KCNH8: variants seen among roughly 807,000 people sequenced by gnomAD.
KCNH8 encodes the protein voltage-gated delayed rectifier potassium channel KCNH8.
KCNH8 carries 70 observed loss-of-function variants against 103.6 expected under a neutral mutation model. The ratio of observed to expected loss-of-function variants is 0.68; its 90% CI spans 0.56 to 0.82. The LOEUF is 0.82. KCNH8 is among the 40% of genes least tolerant of loss of function. KCNH8 has a pLI of 0.00. For missense variants in KCNH8, 1,217 were observed against 1,329.9 expected, an observed-to-expected ratio of 0.92 and a Z score of 1.32; for synonymous variants, 498 against 489.4, an observed-to-expected ratio of 1.02 and a Z score of -0.23.
chr3:19,210,466 T>C (rs2063759258), intron 1 of KCNH8, among the ~76,000 whole-genome samples: 1 of 152,072 alleles, frequency 6.6e-6, no homozygotes, highest in Non-Finnish European at 1.5e-5. Context: ...AAAGCCTTCT[T>C]TTTGGTGCTT....
intron 1 of KCNH8, among the ~76,000 whole-genome samples, chr3:19,200,099 A>G (rs552431341): frequency 4.6e-5 from 7 of 152,254 alleles, no homozygotes; most frequent in Non-Finnish European, 5.9e-5. Flanking sequence ...TTAAGTGATT[A>G]AAATAAAATT....
chr3:19,480,397 G>C (rs531276416), intron 11 of KCNH8, among the ~76,000 whole-genome samples: 1 of 152,178 alleles, frequency 6.6e-6, no homozygotes, highest in Admixed American at 6.5e-5. Context: ...AGTATCTTCT[G>C]TCAGGATTCA....
chr3:19,160,926 G>A (rs2063227722), intron 1 of KCNH8, among the ~76,000 whole-genome samples: 1 of 152,118 alleles, frequency 6.6e-6, no homozygotes, highest in South Asian at 2.1e-4. Context: ...GAGTGGTGAT[G>A]CTAGTGATTC....
Position 19,148,603 on chromosome 3 carries a change from A to AG in KCNH8, c.-115dup. On this transcript the variant is annotated 5_prime_UTR_variant, in exon 1 of 16. Coordinates refer to ENST00000328405, the MANE Select transcript of KCNH8 (RefSeq NM_144633.3). ...ACTTCCCCTGCTCGGCCCCGCCGTCAGGCCGGGTCCCCCTTCCCTGCCGTC... is the reference window on the plus strand; with the variant it reads ...ACTTCCCCTGCTCGGCCCCGCCGTCAGGGCCGGGTCCCCCTTCCCTGCCGTC... The AG allele has an allele frequency of 3.1e-6, 3 of 962,804 alleles. No individual in the cohort carries two copies. The highest frequency in any genetic ancestry group is 2.4e-4 in the Middle Eastern group (1 of 4,154). The allele number at this position is 962,804 out of a possible 1,614,324, so 59.6% of individuals were successfully genotyped here.
chr3:19,449,848 C>T (rs911522599), intron 8 of KCNH8, among the ~76,000 whole-genome samples: 2 of 151,812 alleles, frequency 1.3e-5, no homozygotes, highest in Non-Finnish European at 2.9e-5. Context: ...ATCAAAGGGG[C>T]CTATTTTGCA....
intron 1 of KCNH8, among the ~76,000 whole-genome samples, chr3:19,228,488 A>G (rs1473269285): frequency 1.3e-5 from 2 of 152,226 alleles, no homozygotes; most frequent in Admixed American, 1.3e-4. Context: ...AAAAATAAAC[A>G]TCTGAAACAT....
intron 2 of KCNH8, among the ~76,000 whole-genome samples, chr3:19,265,565 G>T (rs1375215904): frequency 2.0e-5 from 3 of 151,920 alleles, no homozygotes; most frequent in Admixed American, 6.6e-5. Flanking sequence ...ACATTAAGGA[G>T]CCTGGAATCT....
chr3:19,320,887 A>G (rs1376239470), intron 3 of KCNH8, among the ~76,000 whole-genome samples: 1 of 151,384 alleles, frequency 6.6e-6, no homozygotes, highest in Non-Finnish European at 1.5e-5. Context: ...CAGAGTTTCT[A>G]TTTCTTCCTG....
At chr3:19,324,919 G>T (rs1340755358) in intron 3 of KCNH8, among the ~76,000 whole-genome samples, 1 of 152,256 alleles carries the variant, frequency 6.6e-6, no homozygotes, top group East Asian at 1.9e-4. Context: ...GAGGTATCAG[G>T]CTACCTGATT....
chr3:19,287,674 C>T (rs1016219349), intron 3 of KCNH8, among the ~76,000 whole-genome samples: 1 of 152,156 alleles, frequency 6.6e-6, no homozygotes, highest in Admixed American at 6.5e-5. Context: ...CAACCTCCAC[C>T]TCCCGGGTTC....
intron 5 of KCNH8, among the ~76,000 whole-genome samples, chr3:19,350,484 G>A (rs1330374925): frequency 6.6e-6 from 1 of 152,118 alleles, no homozygotes; most frequent in African/African-American, 2.4e-5. Context: ...CCCAGTAGGG[G>A]CCAACTGACA....
chr3:19,504,639 C>G (rs1434650297), intron 11 of KCNH8, among the ~76,000 whole-genome samples: 1 of 152,100 alleles, frequency 6.6e-6, no homozygotes, highest in Non-Finnish European at 1.5e-5. Context: ...TACCATCTCA[C>G]ACCAGTTAGA....
chr3:19,358,798 C>A (rs2065912667), intron 5 of KCNH8, among the ~76,000 whole-genome samples: 3 of 151,340 alleles, frequency 2.0e-5, no homozygotes, highest in Non-Finnish European at 4.4e-5. Flanking sequence ...TACATTAGAA[C>A]CCAGGAAATA....
chr3:19,307,426 T>A (rs952547390), intron 3 of KCNH8, among the ~76,000 whole-genome samples: 3 of 151,716 alleles, frequency 2.0e-5, no homozygotes, highest in Non-Finnish European at 4.4e-5. Context: ...AGGGAACTCT[T>A]ATACACTGTT....
intron 1 of KCNH8, among the ~76,000 whole-genome samples, chr3:19,245,007 T>C (rs7613229): frequency 0.064 from 9,733 of 152,196 alleles, 1,002 homozygotes; most frequent in African/African-American, 0.21. Context: ...ATTCCTTTTG[T>C]GGACTTAGCC....
chr3:19,427,404 T>C (rs1223624518), intron 7 of KCNH8, among the ~76,000 whole-genome samples: 1 of 152,210 alleles, frequency 6.6e-6, no homozygotes, highest in African/African-American at 2.4e-5. Flanking sequence ...TAAGTGAAAT[T>C]AGAAGTCAAA....
At chr3:19,280,169 A>T (rs1269672422) in intron 2 of KCNH8, among the ~76,000 whole-genome samples, 2 of 152,086 alleles carry the variant, frequency 1.3e-5, no homozygotes, top group African/African-American at 4.8e-5. Flanking sequence ...AAACATTGAA[A>T]ATATAAGCTT....
chr3:19,499,554 C>A (rs1048103238), intron 11 of KCNH8, among the ~76,000 whole-genome samples: 1 of 152,152 alleles, frequency 6.6e-6, no homozygotes, highest in Non-Finnish European at 1.5e-5. Flanking sequence ...GGTCGGGTTA[C>A]CCTCAAAGGG....
At position 19,492,895 on chromosome 3, in the gene KCNH8, TTC is replaced by T. The variant is rs778690470; in HGVS notation, c.2041-17466_2041-17465del. On this transcript the variant is annotated intron_variant, in intron 11 of 15. Coordinates refer to ENST00000328405, the MANE Select transcript of KCNH8 (RefSeq NM_144633.3). ...TGTGTGTGTGTGTGTGATTTCTGAC[TTC>T]TTTCACAAGACTTTCGTAATTTTCC... is the stretch of plus-strand genomic sequence containing the variant. 3.4e-5 allele frequency among the ~76,000 whole-genome samples: 5 copies of T among 146,708 alleles called. No individual in the cohort carries two copies. In the East Asian group the frequency reaches 6.2e-4, roughly 18 times the overall value.
Sources: allele counts gnomAD v4.1 joint callset (sites outside exome capture counted in the v4.1 genomes callset), GRCh38; gene constraint gnomAD v4.1.1; transcripts MANE v1.5; gene names NCBI Gene and HGNC (gene_info 2026-07-23, HGNC 2026-07-21).